AKAP6: variants seen among roughly 807,000 people sequenced by gnomAD.
AKAP6 encodes A-kinase anchor protein 6.
A neutral mutation model predicts 188.5 loss-of-function variants in AKAP6; 58 were observed. The observed-to-expected ratio is 0.31, with a 90% CI of 0.25 to 0.38. The LOEUF is 0.38. Ranked by LOEUF, AKAP6 falls within the 10% of genes least tolerant of loss-of-function variation. The pLI is 1.00. For synonymous variants in AKAP6, 989 were observed against 998.6 expected (o/e 0.99, Z 0.18); for missense variants, 2,710 against 2,740.0 (o/e 0.99, Z 0.24).
At chr14:32,538,866 A>T (rs997874830) in intron 3 of AKAP6, among the ~76,000 whole-genome samples, 3 of 152,188 alleles carry the variant, frequency 2.0e-5, no homozygotes, top group Admixed American at 6.5e-5. Context: ...AATTAAATTT[A>T]AATTTTAAAA....
intron 1 of AKAP6, among the ~76,000 whole-genome samples, chr14:32,352,533 C>T (rs1459923532): frequency 1.3e-5 from 2 of 152,024 alleles, no homozygotes; most frequent in Non-Finnish European, 2.9e-5. Context: ...ATTTTATACC[C>T]CTTGACCAAT....
At chr14:32,551,995 A>C (rs755275312) in intron 4 of AKAP6, among the ~76,000 whole-genome samples, 2 of 152,088 alleles carry the variant, frequency 1.3e-5, no homozygotes, top group Non-Finnish European at 2.9e-5. Flanking sequence ...TAATTTTCTA[A>C]TGTAGTATAT....
At chr14:32,379,373 G>A (rs1169343528) in intron 1 of AKAP6, among the ~76,000 whole-genome samples, 1 of 152,114 alleles carries the variant, frequency 6.6e-6, no homozygotes, top group African/African-American at 2.4e-5. Context: ...TGTAATACAG[G>A]TTCTCTGTTT....
chr14:32,682,995 C>CTTTTTTTTTTTTGTTTTTTTTTTTT (rs71115090), intron 8 of AKAP6, among the ~76,000 whole-genome samples: 2 of 142,258 alleles, frequency 1.4e-5, no homozygotes, highest in African/African-American at 5.3e-5. Flanking sequence ...TTTTTTCTTC[C>CTTTTTTTTTTTTGTTTTTTTTTTTT]TTTTTTTTTT....
rs1566517627 is a variant in AKAP6 at position 32,462,921 on chromosome 14, A to AAC, written c.324+29105_324+29106insCA. Among the ~76,000 whole-genome samples the AAC allele has an allele frequency of 1.6e-3, 241 of 146,120 alleles. 4 individuals carry two copies. The highest frequency in any genetic ancestry group is 5.4e-3 in the African/African-American group (211 of 39,108). ...GAAAGCAAAAAAAAAAAAAAAAAAA[A>AAC]AAAAACCCGGGGTTGCAATCCTAAT... is the stretch of plus-strand genomic sequence containing the variant. On this transcript the variant is annotated intron_variant, in intron 2 of 13. Coordinates refer to ENST00000280979, the MANE Select transcript of AKAP6 (RefSeq NM_004274.5).
intron 12 of AKAP6, among the ~76,000 whole-genome samples, chr14:32,783,497 T>A (rs763790921): frequency 7.2e-5 from 11 of 151,810 alleles, no homozygotes; most frequent in Non-Finnish European, 1.3e-4. Context: ...TAAAGCTGTT[T>A]AAAAAAAACA....
chr14:32,434,010 T>C, intron 2 of AKAP6, 193 bp downstream of exon 2: 1 of 593,116 alleles, frequency 1.7e-6, no homozygotes, highest in Non-Finnish European at 2.9e-6. Context: ...GTGCTGATTA[T>C]CTAGAATACA....
intron 1 of AKAP6, among the ~76,000 whole-genome samples, chr14:32,382,363 T>C (rs996521784): frequency 6.6e-6 from 1 of 152,188 alleles, no homozygotes; most frequent in East Asian, 1.9e-4. Flanking sequence ...GGTCCCACCA[T>C]GTTCTCACTG....
chr14:32,622,426 A>G (rs904424218), intron 7 of AKAP6, among the ~76,000 whole-genome samples: 1 of 152,128 alleles, frequency 6.6e-6, no homozygotes, highest in Non-Finnish European at 1.5e-5. Flanking sequence ...AAATAGACAT[A>G]ATTACAGACC....
chr14:32,722,211 C>G (rs1339552557), intron 9 of AKAP6, among the ~76,000 whole-genome samples: 1 of 152,158 alleles, frequency 6.6e-6, no homozygotes, highest in Non-Finnish European at 1.5e-5. Context: ...AATCTTCTCC[C>G]TTACTGAAGT....
chr14:32,755,575 T>C (rs1364053224), intron 11 of AKAP6, among the ~76,000 whole-genome samples: 1 of 152,040 alleles, frequency 6.6e-6, no homozygotes, highest in African/African-American at 2.4e-5. Context: ...TCTCCCAGGC[T>C]GTAGTGTAGC....
At chr14:32,761,581 T>C (rs554468816) in intron 11 of AKAP6, among the ~76,000 whole-genome samples, 45 of 152,180 alleles carry the variant, frequency 3.0e-4, no homozygotes, top group African/African-American at 9.6e-4. Context: ...AATTAGTAAA[T>C]AATCTGTCCT....
At chr14:32,600,129 G>A (rs952151794) in intron 6 of AKAP6, among the ~76,000 whole-genome samples, 1 of 152,140 alleles carries the variant, frequency 6.6e-6, no homozygotes, top group African/African-American at 2.4e-5. Flanking sequence ...CTCTAGGTTT[G>A]AGCTTAGCAC....
In AKAP6 at chr14:32,822,282, A is replaced by G. The variant is rs1423518190; in HGVS notation, c.4469A>G (p.Glu1490Gly). ...LPMIMKQSQS[E>G]KAHVEDPLLR... Reference sequence around the variant, plus strand: ...ATGATAATGAAACAGTCACAAAGCGAAAAAGCGCATGTGGAGGATCCCCTG... The same window carrying G: ...ATGATAATGAAACAGTCACAAAGCGGAAAAGCGCATGTGGAGGATCCCCTG... The change falls in exon 13 of 14, where the codon GAA becomes GGA. Residue 1490 changes from glutamate (E) to glycine (G), a missense_variant. Physicochemically the swap from Glu to Gly is moderately conservative, Grantham distance 98. Transcript: ENST00000280979. The G allele has an allele frequency of 6.2e-7, 1 of 1,613,744 alleles. No individual in the cohort carries two copies. The highest frequency in any genetic ancestry group is 2.2e-5 in the East Asian group (1 of 44,876).
chr14:32,545,370 G>A lies in AKAP6; in HGVS notation c.717G>A (p.Gly239=), dbSNP rs1462116887. 5 of 1,614,166 alleles carry A rather than the reference G, an allele frequency of 3.1e-6. No individual in the cohort carries two copies. Among genetic ancestry groups the A allele is most frequent in the Admixed American group, 1.7e-5 (1 of 60,020 alleles). The change falls in exon 4 of 14, where the codon GGG becomes GGA. Residue 239 remains glycine, a synonymous_variant. Transcript: ENST00000280979. ...GTCCAAGTGAGGATTTGCTCAGTGGGCTAGGTGACATGACCTCTAGCCAAG... is the reference window on the plus strand; with the variant it reads ...GTCCAAGTGAGGATTTGCTCAGTGGACTAGGTGACATGACCTCTAGCCAAG... ...DYSPSEDLLS[G]LGDMTSSQVK... is the part of the protein sequence containing the mutation.
chr14:32,413,908 G>A (rs1889571949), intron 1 of AKAP6, among the ~76,000 whole-genome samples: 2 of 151,156 alleles, frequency 1.3e-5, no homozygotes, highest in African/African-American at 4.9e-5. Context: ...AGAGTCCAGT[G>A]TCAGAAGGTA....
At chr14:32,686,063 T>G (rs1889912387) in intron 8 of AKAP6, among the ~76,000 whole-genome samples, 1 of 152,132 alleles carries the variant, frequency 6.6e-6, no homozygotes, top group Non-Finnish European at 1.5e-5. Flanking sequence ...GATGAATGTA[T>G]AAAGAAAATA....
intron 9 of AKAP6, among the ~76,000 whole-genome samples, chr14:32,716,438 A>G (rs957638544): frequency 9.9e-5 from 15 of 151,102 alleles, no homozygotes; most frequent in African/African-American, 3.6e-4. Flanking sequence ...ATTGCTTTTA[A>G]TGGCAAAAAC....
At chr14:32,404,221 G>A (rs993436013) in intron 1 of AKAP6, among the ~76,000 whole-genome samples, 1 of 152,124 alleles carries the variant, frequency 6.6e-6, no homozygotes, top group Non-Finnish European at 1.5e-5. Flanking sequence ...AAAGGATTCT[G>A]ACAGATTGAA....
Sources: gnomAD v4.1 joint callset for allele counts (sites outside exome capture counted in the v4.1 genomes callset) on GRCh38, gnomAD v4.1.1 for gene constraint, MANE v1.5 for transcripts, NCBI Gene and HGNC (gene_info 2026-07-23, HGNC 2026-07-21) for gene names.